ZNG1A: variants seen among roughly 807,000 people sequenced by gnomAD.
ZNG1A encodes the protein Zn regulated GTPase metalloprotein activator 1A.
the ZNG1A span, among the ~76,000 whole-genome samples, chr9:145,715 T>A: frequency 9.3e-5 from 14 of 149,946 alleles, no homozygotes; most frequent in South Asian, 2.1e-4. Flanking sequence ...TAAATAAATT[T>A]TAAAAAAAAC....
the ZNG1A span, among the ~76,000 whole-genome samples, chr9:156,888 C>A: frequency 6.6e-6 from 1 of 152,022 alleles, no homozygotes; most frequent in Non-Finnish European, 1.5e-5. Context: ...AAAAACTGTT[C>A]TGGTTCTAAA....
the ZNG1A span, among the ~76,000 whole-genome samples, chr9:178,533 A>G: frequency 9.0e-6 from 1 of 111,712 alleles, no homozygotes; most frequent in African/African-American, 2.7e-5. Flanking sequence ...GTAAGAGGTC[A>G]CAGAGACAAT....
At chr9:172,134 T>G in the ZNG1A span, 1 of 1,611,328 alleles carries the variant, frequency 6.2e-7, no homozygotes, top group Non-Finnish European at 8.5e-7. Context: ...TTTCCCCTTC[T>G]TTTGCATCAA....
the ZNG1A span, among the ~76,000 whole-genome samples, chr9:162,692 A>G: frequency 6.6e-6 from 1 of 150,550 alleles, no homozygotes; most frequent in Non-Finnish European, 1.5e-5. Context: ...TTAAGGCACT[A>G]GAAACGATAT....
the ZNG1A span, among the ~76,000 whole-genome samples, chr9:173,905 A>T: frequency 6.6e-6 from 1 of 152,112 alleles, no homozygotes. Flanking sequence ...TTAAACTTAT[A>T]GGGAGGCCAA....
chr9:150,034 A>G, the ZNG1A span: 1 of 151,796 alleles, frequency 6.6e-6, no homozygotes, highest in Non-Finnish European at 1.5e-5. Context: ...GTCAGCTACA[A>G]AATGGTAAAA....
At chr9:174,743 G>A in the ZNG1A span, among the ~76,000 whole-genome samples, 3 of 151,190 alleles carry the variant, frequency 2.0e-5, no homozygotes, top group Non-Finnish European at 2.9e-5. Context: ...AAAAGAAATC[G>A]TTTAATAGAT....
At chr9:168,533 T>C in the ZNG1A span, among the ~76,000 whole-genome samples, 1 of 150,666 alleles carries the variant, frequency 6.6e-6, no homozygotes, top group Non-Finnish European at 1.5e-5. Flanking sequence ...ATTACAGGCA[T>C]GAGCCACCGA....
chr9:163,259 G>A, the ZNG1A span, among the ~76,000 whole-genome samples: 1 of 151,538 alleles, frequency 6.6e-6, no homozygotes, highest in Non-Finnish European at 1.5e-5. Context: ...AAAGTGTTCA[G>A]GTAAATAAAG....
the ZNG1A span, among the ~76,000 whole-genome samples, chr9:124,000 G>A: frequency 1.3e-5 from 2 of 152,136 alleles, no homozygotes; most frequent in African/African-American, 4.8e-5. Flanking sequence ...ACAAAAGAAA[G>A]GCTTGGCTTA....
At chr9:164,988 T>C in the ZNG1A span, among the ~76,000 whole-genome samples, 1 of 152,168 alleles carries the variant, frequency 6.6e-6, no homozygotes, top group African/African-American at 2.4e-5. Context: ...TTGATTTTTT[T>C]CCCAAAAACT....
chr9:164,844 C>T, the ZNG1A span, among the ~76,000 whole-genome samples: 1 of 152,044 alleles, frequency 6.6e-6, no homozygotes, highest in Non-Finnish European at 1.5e-5. Flanking sequence ...CTAAAGCTGT[C>T]CACCTACTCT....
the ZNG1A span, chr9:148,775 C>G: frequency 6.7e-6 from 1 of 148,778 alleles, no homozygotes; most frequent in East Asian, 1.9e-4. Flanking sequence ...CTAAAGGCTG[C>G]TTTAAGTAGC....
the ZNG1A span, among the ~76,000 whole-genome samples, chr9:174,937 T>A: frequency 6.6e-6 from 1 of 151,106 alleles, no homozygotes; most frequent in Non-Finnish European, 1.5e-5. Flanking sequence ...AAAGACCATA[T>A]GTTTACCTTT....
At chr9:157,671 C>T in the ZNG1A span, among the ~76,000 whole-genome samples, 3 of 147,746 alleles carry the variant, frequency 2.0e-5, no homozygotes, top group Non-Finnish European at 3.0e-5. Context: ...TAATTGAACA[C>T]ACACCCATCA....
chr9:166,500 G>C, the ZNG1A span: 4 of 152,712 alleles, frequency 2.6e-5, no homozygotes, highest in South Asian at 8.3e-4. Flanking sequence ...TAAAAAGCAA[G>C]AAAGAACACA....
At chr9:171,312 C>A in the ZNG1A span, among the ~76,000 whole-genome samples, 7 of 151,814 alleles carry the variant, frequency 4.6e-5, no homozygotes, top group Non-Finnish European at 7.4e-5. Flanking sequence ...TTTTACAAAT[C>A]GCCCCAATGC....
At chr9:176,163 T>C in the ZNG1A span, among the ~76,000 whole-genome samples, 8 of 138,728 alleles carry the variant, frequency 5.8e-5, no homozygotes. Flanking sequence ...TAAAAGTTTT[T>C]ATGAAATGGG....
At chr9:121,806 C>T in the ZNG1A span, 138,032 of 1,318,730 alleles carry the variant, frequency 0.1, 4,787 homozygotes, top group Admixed American at 0.18. Context: ...CAAGCTTTTA[C>T]GAACGTTGTA....
Sources: gnomAD v4.1 joint callset for allele counts (sites outside exome capture counted in the v4.1 genomes callset) on GRCh38, gnomAD v4.1.1 for gene constraint, MANE v1.5 for transcripts, NCBI Gene and HGNC (gene_info 2026-07-23, HGNC 2026-07-21) for gene names.